Variants in MTSS1 observed in about 807,000 individuals in gnomAD.
MTSS1 encodes the protein protein MTSS 1.
MTSS1 carries 18 observed loss-of-function variants against 79.0 expected under a neutral mutation model. The ratio of observed to expected loss-of-function variants is 0.23; its 90% CI spans 0.16 to 0.34. The LOEUF is 0.34. MTSS1 is among the 10% of genes least tolerant of loss of function. MTSS1 has a pLI of 1.00. For missense variants in MTSS1, 815 were observed against 986.2 expected, an observed-to-expected ratio of 0.83 and a Z score of 2.33; for synonymous variants, 341 against 368.6, an observed-to-expected ratio of 0.93 and a Z score of 0.86.
chr8:124,568,735 C>G, intron 6 of MTSS1, 199 bp from the exon 7 acceptor site: 1 of 1,477,860 alleles, frequency 6.8e-7, no homozygotes. Context: ...GCCCAAAGGG[C>G]ACATTTAGCC....
At chr8:124,621,872 CCTTA>C (rs1813589506) in intron 3 of MTSS1, among the ~76,000 whole-genome samples, 1 of 152,114 alleles carries the variant, frequency 6.6e-6, no homozygotes, top group African/African-American at 2.4e-5. Context: ...CCAGAGAAAT[CCTTA>C]CTAACCCTTA....
At chr8:124,694,255 C>A (rs1198539544) in intron 3 of MTSS1, among the ~76,000 whole-genome samples, 1 of 152,026 alleles carries the variant, frequency 6.6e-6, no homozygotes, top group Non-Finnish European at 1.5e-5. Flanking sequence ...TCAGCACTGG[C>A]CCATCCCGGC....
chr8:124,609,870 G>C (rs1835491697), intron 3 of MTSS1, among the ~76,000 whole-genome samples: 1 of 152,196 alleles, frequency 6.6e-6, no homozygotes, highest in Admixed American at 6.5e-5. Context: ...CTGACATTTT[G>C]GCAGCTGAGC....
chr8:124,642,412 C>G (rs116913040), intron 3 of MTSS1, among the ~76,000 whole-genome samples: 2 of 152,238 alleles, frequency 1.3e-5, no homozygotes, highest in East Asian at 3.9e-4. Flanking sequence ...TCAGCCTACC[C>G]TTTGAAGTTT....
intron 3 of MTSS1, among the ~76,000 whole-genome samples, chr8:124,680,260 G>T (rs1250233902): frequency 3.3e-5 from 5 of 152,218 alleles, no homozygotes; most frequent in Admixed American, 2.6e-4. Flanking sequence ...TCAATCGCAG[G>T]CTCAGGAATT....
intron 1 of MTSS1, among the ~76,000 whole-genome samples, chr8:124,720,865 A>G (rs1291365195): frequency 2.0e-5 from 3 of 152,210 alleles, no homozygotes; most frequent in African/African-American, 7.2e-5. Flanking sequence ...AAACCTTCAC[A>G]AGCAATGTTT....
intron 3 of MTSS1, among the ~76,000 whole-genome samples, chr8:124,656,781 C>CAAAAAAAAAAAAAAAAA (rs59332225): frequency 1.2e-4 from 6 of 51,636 alleles, no homozygotes; most frequent in Admixed American, 2.3e-4. Context: ...GACTCCATCT[C>CAAAAAAAAAAAAAAAAA]AAAAAAAAAA....
Position 124,597,236 on chromosome 8 carries a change from A to C in MTSS1, c.209-6001T>G, listed in dbSNP as rs1053307922. Among the ~76,000 whole-genome samples the C allele has an allele frequency of 1.3e-5, 2 of 152,092 alleles. No individual in the cohort carries two copies. The highest frequency in any genetic ancestry group is 2.9e-5 in the Non-Finnish European group (2 of 68,004). On this transcript the variant is annotated intron_variant, in intron 3 of 13. Transcript: ENST00000518547. This position sits in a 1 kb window ranked among gnomAD's most constrained non-coding sequence, Gnocchi z 4.6. ...GTAGGCATTATCAGCCCCATGTTAC[A>C]AATGAAAACACCTGAGGCTCAGGAG...
intron 3 of MTSS1, among the ~76,000 whole-genome samples, chr8:124,698,914 C>A (rs575559062): frequency 3.3e-5 from 5 of 152,254 alleles, no homozygotes; most frequent in African/African-American, 1.2e-4. Context: ...TTATATGATT[C>A]AGTACTTGCT....
intron 13 of MTSS1, 27 bp downstream of exon 13, chr8:124,555,715 A>G (rs750726801): frequency 1.3e-6 from 2 of 1,567,442 alleles, no homozygotes; most frequent in South Asian, 1.2e-5. Flanking sequence ...CAGAAAGCCT[A>G]AGTGCACACC....
chr8:124,726,993 C>T (rs1274283861), intron 1 of MTSS1, among the ~76,000 whole-genome samples: 1 of 152,208 alleles, frequency 6.6e-6, no homozygotes, highest in African/African-American at 2.4e-5. Flanking sequence ...CCTGGTCTAT[C>T]TCTAGGCACC....
intron 3 of MTSS1, among the ~76,000 whole-genome samples, chr8:124,678,252 T>C (rs1825622322): frequency 6.6e-6 from 1 of 152,184 alleles, no homozygotes; most frequent in South Asian, 2.1e-4. Flanking sequence ...AAGATCCTGG[T>C]TCTGCTCTTT....
At chr8:124,625,478 C>A (rs575141307) in intron 3 of MTSS1, among the ~76,000 whole-genome samples, 2 of 152,174 alleles carry the variant, frequency 1.3e-5, no homozygotes, top group Admixed American at 1.3e-4. Context: ...ACCTAAGGAT[C>A]GCAAATGCTG....
chr8:124,580,636 TG>T, intron 6 of MTSS1: 1 of 1,496,776 alleles, frequency 6.7e-7, no homozygotes, highest in Non-Finnish European at 9.0e-7. Context: ...AAAGTCAAAC[TG>T]GTATTCAAGC....
At chr8:124,630,041 T>C (rs954189528) in intron 3 of MTSS1, among the ~76,000 whole-genome samples, 4 of 152,230 alleles carry the variant, frequency 2.6e-5, no homozygotes, top group African/African-American at 9.6e-5. Context: ...CTTCTTGAAA[T>C]ACTTCACCTG....
intron 3 of MTSS1, among the ~76,000 whole-genome samples, chr8:124,591,687 C>T (rs142601681): frequency 7.9e-4 from 121 of 152,342 alleles, no homozygotes; most frequent in African/African-American, 2.7e-3. Flanking sequence ...TTATTTAGAA[C>T]AGCCAAGGCA....
intron 3 of MTSS1, among the ~76,000 whole-genome samples, chr8:124,645,217 A>C (rs1204252946): frequency 6.6e-6 from 1 of 152,110 alleles, no homozygotes; most frequent in Non-Finnish European, 1.5e-5. Flanking sequence ...AAAAACAAAA[A>C]CAAAAACGAA....
chr8:124,635,757 G>A (rs1816858388), intron 3 of MTSS1, among the ~76,000 whole-genome samples: 4 of 152,058 alleles, frequency 2.6e-5, no homozygotes, highest in African/African-American at 9.7e-5. Context: ...TATTCTCTCT[G>A]AAGCAATTGC....
chr8:124,655,608 C>G (rs2134255848), intron 3 of MTSS1, among the ~76,000 whole-genome samples: 1 of 152,292 alleles, frequency 6.6e-6, no homozygotes, highest in East Asian at 1.9e-4. Context: ...GTCTTTTTAC[C>G]ACTAGCTGCC....
Sources: gnomAD v4.1 joint callset for allele counts (sites outside exome capture counted in the v4.1 genomes callset) on GRCh38, gnomAD v4.1.1 for gene constraint, Gnocchi (gnomAD v3.1) non-coding constraint, MANE v1.5 for transcripts, NCBI Gene and HGNC (gene_info 2026-07-23, HGNC 2026-07-21) for gene names.